The following PDS5A variants were observed in gnomAD, a reference collection of about 807,000 sequenced individuals.
PDS5A encodes PDS5 cohesin associated factor A, also known as sister chromatid cohesion protein PDS5 homolog A.
In PDS5A, 42 loss-of-function variants were observed where a neutral mutation model predicts 167.1. The ratio of observed to expected loss-of-function variants is 0.25; its 90% CI spans 0.20 to 0.33. The LOEUF (loss-of-function observed/expected upper bound fraction) is 0.33, where lower values mean the gene tolerates loss of function less well. Ranked by LOEUF, PDS5A falls within the 10% of genes least tolerant of loss-of-function variation. The probability of loss-of-function intolerance (pLI) is 1.00; values close to 1 mark genes in which losing one functional copy is unlikely to be tolerated. For synonymous variants in PDS5A, 553 were observed against 554.6 expected (o/e 1.00, Z 0.04); for missense variants, 1,033 against 1,605.9 (o/e 0.64, Z 6.10).
At chr4:39,861,467 T>C (rs1378521398) in intron 26 of PDS5A, among the ~76,000 whole-genome samples, 1 of 151,766 alleles carries the variant, frequency 6.6e-6, no homozygotes, top group African/African-American at 2.4e-5. Context: ...CGGAAAAAAA[T>C]AAAGAGAGAG....
chr4:39,874,199 A>G, intron 20 of PDS5A, 90 bp downstream of exon 20: 1 of 1,086,036 alleles, frequency 9.2e-7, no homozygotes, highest in Non-Finnish European at 1.3e-6. Context: ...TCATATAAAC[A>G]GCTTTAAAAA....
intron 2 of PDS5A, chr4:39,974,109 G>C: frequency 7.2e-6 from 4 of 556,586 alleles, no homozygotes; most frequent in South Asian, 1.4e-5. Context: ...GCGACAGAGC[G>C]AGACTCTGTC....
At chr4:39,874,559 A>G in intron 19 of PDS5A, 147 bp from the exon 20 acceptor site, 3 of 629,174 alleles carry the variant, frequency 4.8e-6, no homozygotes, top group Non-Finnish European at 8.0e-6. Flanking sequence ...AGTTGTAAAA[A>G]AGCTCCATCT....
chr4:39,899,170 T>C (rs561985676), intron 14 of PDS5A, among the ~76,000 whole-genome samples: 326 of 152,248 alleles, frequency 2.1e-3, no homozygotes, highest in Non-Finnish European at 3.9e-3. Flanking sequence ...AGAATTACTA[T>C]GAAACTACAT....
At chr4:39,844,151 T>TA (rs959535104) in intron 30 of PDS5A, among the ~76,000 whole-genome samples, 8 of 150,814 alleles carry the variant, frequency 5.3e-5, no homozygotes, top group African/African-American at 7.3e-5. Context: ...CCCTGTCTCT[T>TA]AAAAAAAAAT....
intron 2 of PDS5A, among the ~76,000 whole-genome samples, chr4:39,964,856 T>A (rs1400500148): frequency 1.3e-5 from 2 of 149,198 alleles, no homozygotes; most frequent in Admixed American, 6.7e-5. Flanking sequence ...GGCAGGACAA[T>A]CGCTTGAACT....
At chr4:39,878,700 A>G (rs371793312) in intron 18 of PDS5A, among the ~76,000 whole-genome samples, 25 of 152,340 alleles carry the variant, frequency 1.6e-4, no homozygotes, top group Admixed American at 3.9e-4. Flanking sequence ...AAAAACAATT[A>G]AAATCTTATT....
In PDS5A at chr4:39,824,118, A is replaced by C. The variant is rs1715070643; in HGVS notation, c.*1367T>G. 6.6e-6 allele frequency: 1 copy of C among 152,214 alleles called. No individual in the cohort carries two copies. The highest frequency in any genetic ancestry group is 1.5e-5 in the Non-Finnish European group (1 of 68,040). The allele number at this position is 152,214 out of a possible 1,614,324, so 9.4% of individuals were successfully genotyped here. On this transcript the variant is annotated 3_prime_UTR_variant, in exon 33 of 33. Transcript: ENST00000303538. ...GCAGGATAGAACTCTGGACATGAGA[A>C]AAGACAAATTTCATGTTCCTCCAGA...
chr4:39,960,049 C>T (rs1208490059), intron 2 of PDS5A, among the ~76,000 whole-genome samples: 5 of 151,984 alleles, frequency 3.3e-5, no homozygotes, highest in Non-Finnish European at 7.4e-5. Flanking sequence ...GCTGAGATCG[C>T]GCCACTGCAC....
chr4:39,891,504 C>T (rs1337922456), intron 16 of PDS5A, among the ~76,000 whole-genome samples: 3 of 151,620 alleles, frequency 2.0e-5, no homozygotes, highest in South Asian at 4.2e-4. Context: ...CAAAATCAGC[C>T]GGGCTTGGTG....
intron 28 of PDS5A, chr4:39,847,930 A>T (rs1279947355): frequency 6.6e-6 from 1 of 152,390 alleles, no homozygotes; most frequent in Non-Finnish European, 1.5e-5. Context: ...AGCAAGCATT[A>T]CCACCTGAGC....
intron 2 of PDS5A, among the ~76,000 whole-genome samples, chr4:39,948,198 G>T (rs2109780698): frequency 1.2e-5 from 1 of 84,960 alleles, no homozygotes; most frequent in African/African-American, 4.9e-5. Context: ...AACACAGCAA[G>T]ATATCCCGTC....
At chr4:39,830,428 A>G (rs1715755086) in intron 32 of PDS5A, among the ~76,000 whole-genome samples, 1 of 151,954 alleles carries the variant, frequency 6.6e-6, no homozygotes, top group African/African-American at 2.4e-5. Context: ...AATTTTTGTT[A>G]ATTTTCATTT....
Position 39,925,835 on chromosome 4 carries a change from C to A in PDS5A, c.527+1G>T. 1 of 1,278,240 alleles carries A rather than the reference C, an allele frequency of 7.8e-7. No individual in the cohort carries two copies. The highest frequency in any genetic ancestry group is 1.1e-6 in the Non-Finnish European group (1 of 907,536). 79.2% of individuals were successfully genotyped at this position (1,278,240 alleles called of 1,614,324 possible). A position where few individuals can be genotyped will look rare whatever the true frequency, so the allele number is the denominator to read the frequency against. On this transcript the variant is annotated splice_donor_variant, in intron 5 of 32. Coordinates refer to ENST00000303538, the MANE Select transcript of PDS5A (RefSeq NM_001100399.2). LOFTEE classifies it high-confidence loss of function. ...ACAGAAATGCTTAAAAAATAACTTA[C>A]TTGATCACTGAGAAGAGAGTTCTAA...
At chr4:39,892,084 ACT>A (rs1261260477) in intron 16 of PDS5A, among the ~76,000 whole-genome samples, 2 of 151,798 alleles carry the variant, frequency 1.3e-5, no homozygotes, top group Non-Finnish European at 2.9e-5. Context: ...AGCTGCACAG[ACT>A]CTGTCTCAAA....
chr4:39,853,114 A>C (rs913876571), intron 26 of PDS5A, among the ~76,000 whole-genome samples: 15 of 152,188 alleles, frequency 9.9e-5, no homozygotes, highest in Admixed American at 9.8e-4. Flanking sequence ...AATTCAAAAA[A>C]ATTATTTGTA....
At chr4:39,871,250 T>A (rs780732437) in intron 21 of PDS5A, among the ~76,000 whole-genome samples, 4 of 152,124 alleles carry the variant, frequency 2.6e-5, no homozygotes, top group Non-Finnish European at 4.4e-5. Context: ...TTAGTGAATT[T>A]TAACACTTAA....
At chr4:39,936,351 T>C (rs1317403423) in intron 2 of PDS5A, among the ~76,000 whole-genome samples, 1 of 152,164 alleles carries the variant, frequency 6.6e-6, no homozygotes, top group African/African-American at 2.4e-5. Flanking sequence ...ACAGACCAGC[T>C]ATAAATTTCA....
At chr4:39,885,783 C>A (rs1440614358) in intron 17 of PDS5A, among the ~76,000 whole-genome samples, 2 of 149,992 alleles carry the variant, frequency 1.3e-5, no homozygotes, top group African/African-American at 4.9e-5. Flanking sequence ...AAAAAACAAA[C>A]AAAAAAAAAC....
Sources: gnomAD v4.1 joint callset for allele counts (sites outside exome capture counted in the v4.1 genomes callset) on GRCh38, gnomAD v4.1.1 for gene constraint, MANE v1.5 for transcripts, NCBI Gene and HGNC (gene_info 2026-07-23, HGNC 2026-07-21) for gene names.